OSBPL6: variants seen among roughly 807,000 people sequenced by gnomAD.
OSBPL6 encodes the protein oxysterol binding protein like 6, also known as oxysterol-binding protein-related protein 6.
A neutral mutation model predicts 125.8 loss-of-function variants in OSBPL6; 49 were observed. The ratio of observed to expected loss-of-function variants is 0.39; its 90% confidence interval spans 0.31 to 0.49. OSBPL6 has a LOEUF of 0.49. OSBPL6 is among the 20% of genes least tolerant of loss of function. OSBPL6 has a pLI of 0.88. For synonymous variants in OSBPL6, 394 were observed against 391.8 expected, an observed-to-expected ratio of 1.01 and a Z score of -0.07; for missense variants, 986 against 1,135.4, an observed-to-expected ratio of 0.87 and a Z score of 1.89.
intron 1 of OSBPL6, among the ~76,000 whole-genome samples, chr2:178,260,085 T>C (rs2154013905): frequency 6.6e-6 from 1 of 152,336 alleles, no homozygotes; most frequent in Admixed American, 6.5e-5. Context: ...AAAATAACTG[T>C]TCCACATTAA....
At chr2:178,328,956 A>T (rs1351276578) in intron 5 of OSBPL6, among the ~76,000 whole-genome samples, 1 of 152,214 alleles carries the variant, frequency 6.6e-6, no homozygotes, top group Non-Finnish European at 1.5e-5. Context: ...ATTAGTATAG[A>T]TAAGTTCTCA....
At chr2:178,352,552 C>T (rs1691367940) in intron 12 of OSBPL6, among the ~76,000 whole-genome samples, 1 of 152,180 alleles carries the variant, frequency 6.6e-6, no homozygotes, top group African/African-American at 2.4e-5. Flanking sequence ...TCCACCATTG[C>T]TGAGGCTCAA....
intron 2 of OSBPL6, among the ~76,000 whole-genome samples, chr2:178,297,623 T>C (rs12693158): frequency 0.39 from 59,684 of 152,050 alleles, 12,489 homozygotes; most frequent in East Asian, 0.68. Context: ...GACATACTCC[T>C]CACCTTCATG....
intron 3 of OSBPL6, among the ~76,000 whole-genome samples, chr2:178,313,111 G>C (rs1687436509): frequency 6.6e-6 from 1 of 151,976 alleles, no homozygotes; most frequent in South Asian, 2.1e-4. Context: ...GGCCAGGCTG[G>C]TCTTAAATTC....
chr2:178,389,956 A>G (rs1439389941), intron 21 of OSBPL6, among the ~76,000 whole-genome samples: 1 of 152,086 alleles, frequency 6.6e-6, no homozygotes, highest in Admixed American at 6.6e-5. Context: ...GAGTGTCTTT[A>G]TTTTAGCCCA....
At chr2:178,213,800 A>C (rs2089973313) in intron 1 of OSBPL6, among the ~76,000 whole-genome samples, 1 of 152,160 alleles carries the variant, frequency 6.6e-6, no homozygotes, top group African/African-American at 2.4e-5. Flanking sequence ...GCTTGAATTC[A>C]TGTAGATGGT....
chr2:178,276,230 A>G (rs1325999273), intron 1 of OSBPL6, among the ~76,000 whole-genome samples: 1 of 152,088 alleles, frequency 6.6e-6, no homozygotes, highest in East Asian at 1.9e-4. Flanking sequence ...CATTTCTTAA[A>G]TATTTTTATA....
At chr2:178,323,781 G>C (rs1407953724) in intron 3 of OSBPL6, 1 of 153,412 alleles carries the variant, frequency 6.5e-6, no homozygotes, top group Non-Finnish European at 1.5e-5. Context: ...ATTTTTTAAG[G>C]TAGACCTTTC....
At chr2:178,218,692 C>T (rs1191296874) in intron 1 of OSBPL6, among the ~76,000 whole-genome samples, 4 of 149,626 alleles carry the variant, frequency 2.7e-5, no homozygotes, top group African/African-American at 7.4e-5. Flanking sequence ...GGCAATGGCA[C>T]GATCTCTGCC....
Position 178,389,005 on chromosome 2 carries a change from C to T in OSBPL6, c.2157-4C>T. 1 of 1,613,156 alleles carries T rather than the reference C, an allele frequency of 6.2e-7. No individual in the cohort carries two copies. Among genetic ancestry groups the T allele is most frequent in the South Asian group, 1.1e-5 (1 of 90,858 alleles). Reference sequence around the variant, plus strand: ...TTTTTCATCAGTGTTACATTCTTCACTAGGTATGGAGATTACTATGTGTGG... The same window carrying T: ...TTTTTCATCAGTGTTACATTCTTCATTAGGTATGGAGATTACTATGTGTGG... On this transcript the variant is annotated splice_polypyrimidine_tract_variant and splice_region_variant and intron_variant, in intron 20 of 24. Coordinates refer to ENST00000190611, the MANE Select transcript of OSBPL6 (RefSeq NM_032523.4).
chr2:178,228,472 T>C (rs569143914), intron 1 of OSBPL6, among the ~76,000 whole-genome samples: 16 of 152,310 alleles, frequency 1.1e-4, no homozygotes, highest in Middle Eastern at 3.4e-3. Flanking sequence ...GAGGTGGAGC[T>C]TGCAGTGAGC....
At chr2:178,388,283 C>T (rs1695114681) in intron 20 of OSBPL6, among the ~76,000 whole-genome samples, 2 of 152,174 alleles carry the variant, frequency 1.3e-5, no homozygotes, top group African/African-American at 4.8e-5. Flanking sequence ...GAATTATTCA[C>T]ATCTGAGGTC....
chr2:178,249,146 G>A lies in OSBPL6; in HGVS notation c.-350-35781G>A, dbSNP rs146572179. Among the ~76,000 whole-genome samples the A allele has an allele frequency of 3.9e-4, 60 of 152,210 alleles. 1 individual carries two copies. The highest frequency in any genetic ancestry group is 2.1e-3 in the South Asian group (10 of 4,822). On this transcript the variant is annotated intron_variant, in intron 1 of 24. Transcript: ENST00000190611. ...GCAGAGACTGGGTTTCACCATGTTG[G>A]CCAGGCTGGTCTTGAACTCCTGGCC...
intron 1 of OSBPL6, among the ~76,000 whole-genome samples, chr2:178,203,322 G>T (rs1277519889): frequency 6.6e-6 from 1 of 152,050 alleles, no homozygotes; most frequent in Non-Finnish European, 1.5e-5. Context: ...GGGATTATAG[G>T]CTTATACCAC....
intron 14 of OSBPL6, among the ~76,000 whole-genome samples, chr2:178,372,825 G>A (rs1179927513): frequency 1.3e-5 from 2 of 152,172 alleles, no homozygotes; most frequent in East Asian, 1.9e-4. Flanking sequence ...GCTCTGTTAG[G>A]TGGTATTATT....
chr2:178,282,416 G>T (rs1684289016), intron 1 of OSBPL6, among the ~76,000 whole-genome samples: 1 of 152,108 alleles, frequency 6.6e-6, no homozygotes, highest in African/African-American at 2.4e-5. Flanking sequence ...TACCCCCTTG[G>T]TCCTCTCTTC....
Position 178,339,049 on chromosome 2 carries a change from A to C in OSBPL6, c.849A>C (p.Glu283Asp). Residue 283 changes from glutamate to aspartate, a missense_variant, in exon 10 of 25, where the codon GAA (glutamate) becomes GAC (aspartate). Glu to Asp is a conservative substitution (Grantham distance 45). Coordinates refer to ENST00000190611, the MANE Select transcript of OSBPL6 (RefSeq NM_032523.4). ...VELSKLLQNL[E>D]ILQRTQSAPN... ...TTAGCAAACTCCTGCAAAATTTGGAAATACTTCAGAGAACTCAGTCGGCAC... is the reference window on the plus strand; with the variant it reads ...TTAGCAAACTCCTGCAAAATTTGGACATACTTCAGAGAACTCAGTCGGCAC... 6.2e-7 allele frequency: 1 copy of C among 1,613,506 alleles called. No individual in the cohort carries two copies. The highest frequency in any genetic ancestry group is 8.5e-7 in the Non-Finnish European group (1 of 1,179,694).
At chr2:178,392,869 A>C (rs953824085) in intron 23 of OSBPL6, among the ~76,000 whole-genome samples, 39 of 151,956 alleles carry the variant, frequency 2.6e-4, no homozygotes, top group Non-Finnish European at 4.3e-4. Context: ...AAAAAAAAAA[A>C]AAAAAGGCAG....
intron 1 of OSBPL6, among the ~76,000 whole-genome samples, chr2:178,226,123 A>G (rs576237087): frequency 1.8e-4 from 27 of 152,224 alleles, no homozygotes; most frequent in Non-Finnish European, 3.1e-4. Context: ...AGCTCTAGTC[A>G]TGGAGGAGGA....
Sources: gnomAD v4.1 joint callset for allele counts (sites outside exome capture counted in the v4.1 genomes callset) on GRCh38, gnomAD v4.1.1 for gene constraint, MANE v1.5 for transcripts, NCBI Gene and HGNC (gene_info 2026-07-23, HGNC 2026-07-21) for gene names.